SIPA1L2: variants seen among roughly 807,000 people sequenced by gnomAD.
SIPA1L2 encodes the protein signal induced proliferation associated 1 like 2, also known as signal-induced proliferation-associated 1-like protein 2.
In SIPA1L2, 56 loss-of-function variants were observed where a neutral mutation model predicts 163.9. The observed-to-expected ratio is 0.34, with a 90% confidence interval of 0.28 to 0.43. The LOEUF (loss-of-function observed/expected upper bound fraction) is 0.43, where lower values mean the gene tolerates loss of function less well. SIPA1L2 is among the 20% of genes least tolerant of loss of function. SIPA1L2 has a pLI of 1.00. For missense variants in SIPA1L2, 1,974 were observed against 2,193.5 expected (o/e 0.90, Z 2.00); for synonymous variants, 877 against 865.7 (o/e 1.01, Z -0.23).
intron 3 of SIPA1L2, among the ~76,000 whole-genome samples, chr1:232,511,613 C>T (rs1036335653): frequency 4.6e-5 from 7 of 152,136 alleles, no homozygotes; most frequent in African/African-American, 9.7e-5. Flanking sequence ...AGTGGTTTAA[C>T]GTTATAAGGG....
intron 1 of SIPA1L2, among the ~76,000 whole-genome samples, chr1:232,595,771 T>C (rs1661228293): frequency 6.6e-6 from 1 of 152,234 alleles, no homozygotes; most frequent in African/African-American, 2.4e-5. Flanking sequence ...GAAACCCTTT[T>C]TAGGGTTTTA....
chr1:232,506,370 T>C (rs1005904623), intron 3 of SIPA1L2, among the ~76,000 whole-genome samples: 3 of 152,188 alleles, frequency 2.0e-5, no homozygotes, highest in Admixed American at 6.5e-5. Context: ...GGGCACAAAG[T>C]AGTTCAAGGA....
At chr1:232,566,690 T>C (rs1022374482) in intron 2 of SIPA1L2, among the ~76,000 whole-genome samples, 2 of 152,224 alleles carry the variant, frequency 1.3e-5, no homozygotes, top group African/African-American at 4.8e-5. Context: ...TAATCTCCAC[T>C]TAAGTTGAAG....
intron 19 of SIPA1L2, among the ~76,000 whole-genome samples, chr1:232,412,279 T>C (rs1661000811): frequency 6.6e-6 from 1 of 152,092 alleles, no homozygotes; most frequent in Non-Finnish European, 1.5e-5. Context: ...CACTATTGGA[T>C]TTTATAGGGA....
intron 21 of SIPA1L2, among the ~76,000 whole-genome samples, 156 bp downstream of exon 21, chr1:232,403,292 G>A (rs567013694): frequency 6.6e-6 from 1 of 152,216 alleles, no homozygotes. Context: ...AGGGAGCCAA[G>A]TAGTCCCACT....
chr1:232,432,530 C>A, intron 15 of SIPA1L2, 59 bp from the exon 16 acceptor site: 3 of 1,518,844 alleles, frequency 2.0e-6, no homozygotes, highest in East Asian at 4.5e-5. Context: ...TGCTGGCACA[C>A]GGCCAAATTC....
intron 18 of SIPA1L2, among the ~76,000 whole-genome samples, chr1:232,417,963 C>G (rs1443799185): frequency 6.6e-6 from 1 of 152,172 alleles, no homozygotes; most frequent in Non-Finnish European, 1.5e-5. Flanking sequence ...GGGGAAGCAT[C>G]AGGGAGCGGA....
rs561297400 is a variant in SIPA1L2, at chr1:232,428,634, T to C, written c.4257-70A>G. On this transcript the variant is annotated intron_variant, in intron 16 of 22. Transcript: ENST00000674635. ...GCCTGTAGTGGTAAGAATTAAAACC[T>C]AGGAAGCAGTTTCAACAGCCACAAA... is the stretch of plus-strand genomic sequence containing the variant. 57 of 1,254,728 alleles carry C rather than the reference T, an allele frequency of 4.5e-5. No homozygotes were observed. In the East Asian group the frequency reaches 1.3e-3, roughly 28 times the overall value. 77.7% of individuals were successfully genotyped at this position (1,254,728 alleles called of 1,614,324 possible). A position where few individuals can be genotyped will look rare whatever the true frequency, so the allele number is the denominator to read the frequency against.
At chr1:232,455,985 A>G (rs1663890054) in intron 10 of SIPA1L2, among the ~76,000 whole-genome samples, 1 of 152,048 alleles carries the variant, frequency 6.6e-6, no homozygotes, top group Admixed American at 6.6e-5. Flanking sequence ...GGATGGAAAA[A>G]CTGCCTGCTG....
intron 18 of SIPA1L2, among the ~76,000 whole-genome samples, chr1:232,420,386 C>T (rs1237208105): frequency 6.6e-6 from 1 of 152,158 alleles, no homozygotes; most frequent in Non-Finnish European, 1.5e-5. Flanking sequence ...AATTGATCAC[C>T]TGTGCTTTGT....
intron 2 of SIPA1L2, among the ~76,000 whole-genome samples, chr1:232,544,500 C>T (rs1657901852): frequency 6.6e-6 from 1 of 151,508 alleles, no homozygotes; most frequent in South Asian, 2.1e-4. Flanking sequence ...GCACAGCTTG[C>T]AGTGAGCCGA....
At chr1:232,529,876 G>C (rs926967947) in intron 2 of SIPA1L2, among the ~76,000 whole-genome samples, 4 of 152,180 alleles carry the variant, frequency 2.6e-5, no homozygotes, top group Non-Finnish European at 4.4e-5. Context: ...TTATGCTCTT[G>C]AGCACGGCCC....
chr1:232,620,154 A>T (rs1268756849), intron 1 of SIPA1L2, among the ~76,000 whole-genome samples: 1 of 152,182 alleles, frequency 6.6e-6, no homozygotes, highest in Non-Finnish European at 1.5e-5. Flanking sequence ...AAGTGCTGGG[A>T]TTATGGGCAT....
intron 2 of SIPA1L2, among the ~76,000 whole-genome samples, chr1:232,568,482 A>C (rs1460837538): frequency 6.6e-6 from 1 of 152,154 alleles, no homozygotes; most frequent in African/African-American, 2.4e-5. Flanking sequence ...CTGCTTTTTC[A>C]CTCTCATAGA....
intron 1 of SIPA1L2, among the ~76,000 whole-genome samples, chr1:232,629,483 C>A (rs1663257063): frequency 6.6e-6 from 1 of 152,198 alleles, no homozygotes; most frequent in African/African-American, 2.4e-5. Context: ...GCTGGCCAGG[C>A]GCGCCGGGGA....
intron 17 of SIPA1L2, among the ~76,000 whole-genome samples, chr1:232,427,457 C>A (rs1661967772): frequency 6.6e-6 from 1 of 152,180 alleles, no homozygotes; most frequent in African/African-American, 2.4e-5. Context: ...TATGGCAATA[C>A]CTGATTTCCT....
At chr1:232,443,809 T>G in intron 11 of SIPA1L2, 124 bp from the exon 12 acceptor site, 1 of 690,010 alleles carries the variant, frequency 1.4e-6, no homozygotes, top group African/African-American at 1.8e-5. Flanking sequence ...GAAAAACATA[T>G]TGCCATGTGA....
At chr1:232,464,499 C>G (rs1301915216) in intron 9 of SIPA1L2, among the ~76,000 whole-genome samples, 3 of 152,222 alleles carry the variant, frequency 2.0e-5, no homozygotes, top group African/African-American at 7.2e-5. Context: ...TGTTAATTAC[C>G]CACTGGGAAG....
chr1:232,602,928 G>A (rs1661680989), intron 1 of SIPA1L2, among the ~76,000 whole-genome samples: 1 of 152,190 alleles, frequency 6.6e-6, no homozygotes, highest in Non-Finnish European at 1.5e-5. Flanking sequence ...GCCTCATGCA[G>A]TTGGTGGCTA....
Sources: allele counts gnomAD v4.1 joint callset (sites outside exome capture counted in the v4.1 genomes callset), GRCh38; gene constraint gnomAD v4.1.1; transcripts MANE v1.5; gene names NCBI Gene and HGNC (gene_info 2026-07-23, HGNC 2026-07-21).